Variants in FRMD4A observed in about 807,000 individuals in gnomAD.
FRMD4A encodes FERM domain containing 4A, also known as FERM domain-containing protein 4A.
FRMD4A carries 29 observed loss-of-function variants against 129.1 expected under a neutral mutation model. That is an observed-to-expected ratio of 0.22 (90% confidence interval 0.17 to 0.31). FRMD4A has a LOEUF of 0.31. FRMD4A is among the 10% of genes least tolerant of loss of function. The pLI, the probability that FRMD4A is intolerant of heterozygous loss-of-function variation, is 1.00. For synonymous variants in FRMD4A, 634 were observed against 571.6 expected (o/e 1.11, Z -1.56); for missense variants, 1,272 against 1,375.8 (o/e 0.92, Z 1.19).
At chr10:14,321,452 T>C (rs1310333113) in intron 2 of FRMD4A, among the ~76,000 whole-genome samples, 2 of 152,086 alleles carry the variant, frequency 1.3e-5, no homozygotes, top group East Asian at 3.8e-4. Context: ...TGCACAGGCT[T>C]AATCCTGCAT....
intron 2 of FRMD4A, among the ~76,000 whole-genome samples, chr10:14,190,040 C>T (rs1327329416): frequency 2.6e-5 from 4 of 152,204 alleles, no homozygotes; most frequent in African/African-American, 4.8e-5. Flanking sequence ...TCTCCCCACA[C>T]GTACACCACT....
intron 2 of FRMD4A, among the ~76,000 whole-genome samples, chr10:14,265,930 CG>C (rs1225825648): frequency 2.0e-5 from 3 of 152,024 alleles, no homozygotes; most frequent in Admixed American, 2.0e-4. Flanking sequence ...CCTCTATAAG[CG>C]CAAAGGCATG....
At chr10:14,141,386 G>A (rs747488286) in intron 2 of FRMD4A, among the ~76,000 whole-genome samples, 15 of 152,118 alleles carry the variant, frequency 9.9e-5, no homozygotes, top group Non-Finnish European at 2.2e-4. Context: ...CCATCTGCCG[G>A]ATGCTATCCA....
chr10:14,215,818 TTAAC>T (rs764122432), intron 2 of FRMD4A, among the ~76,000 whole-genome samples: 32 of 152,264 alleles, frequency 2.1e-4, no homozygotes, highest in South Asian at 1.0e-3. Flanking sequence ...TACCGTGAAA[TTAAC>T]TATTTCACAC....
chr10:13,839,730 G>T (rs2093932934), intron 3 of FRMD4A, among the ~76,000 whole-genome samples: 1 of 152,212 alleles, frequency 6.6e-6, no homozygotes, highest in Non-Finnish European at 1.5e-5. Flanking sequence ...GAAAGGAAGG[G>T]GGCCTTGAGC....
At chr10:13,884,186 A>ACTCACACACTCTCACACACACACACT (rs1554956520) in intron 2 of FRMD4A, among the ~76,000 whole-genome samples, 4 of 109,598 alleles carry the variant, frequency 3.6e-5, no homozygotes, top group Non-Finnish European at 7.4e-5. Context: ...TCACACACAC[A>ACTCACACACTCTCACACACACACACT]CACACACACT....
At chr10:13,652,163 AGTTT>A in intron 23 of FRMD4A, 189 bp from the exon 24 acceptor site, 1 of 605,762 alleles carries the variant, frequency 1.7e-6, no homozygotes, top group Non-Finnish European at 3.0e-6. Flanking sequence ...CAAAATACCT[AGTTT>A]GTTAGGAGGG....
chr10:13,984,926 G>A (rs554085098), intron 2 of FRMD4A, among the ~76,000 whole-genome samples: 68 of 152,324 alleles, frequency 4.5e-4, no homozygotes, highest in African/African-American at 1.4e-3. Context: ...TGTGTAATTT[G>A]GGGGAAGCTC....
chr10:14,238,459 C>T (rs1843911464), intron 2 of FRMD4A, among the ~76,000 whole-genome samples: 1 of 152,156 alleles, frequency 6.6e-6, no homozygotes, highest in African/African-American at 2.4e-5. Flanking sequence ...GATCTTTTAA[C>T]ATATCTTTTT....
At chr10:14,086,156 T>G (rs945458637) in intron 2 of FRMD4A, among the ~76,000 whole-genome samples, 2 of 152,178 alleles carry the variant, frequency 1.3e-5, no homozygotes, top group African/African-American at 4.8e-5. Context: ...GTAAAACTAA[T>G]TAGATAGAAT....
At chr10:14,100,108 G>T (rs192434258) in intron 2 of FRMD4A, among the ~76,000 whole-genome samples, 1 of 152,368 alleles carries the variant, frequency 6.6e-6, no homozygotes, top group East Asian at 1.9e-4. Context: ...AGCAAACCCA[G>T]TTGTGGTGCC....
intron 2 of FRMD4A, among the ~76,000 whole-genome samples, chr10:14,176,441 G>C (rs180855350): frequency 2.8e-5 from 4 of 143,714 alleles, no homozygotes; most frequent in African/African-American, 1.0e-4. Context: ...ATGTCTCCAC[G>C]AGAATCTCAT....
At chr10:13,727,407 G>T (rs547821926) in intron 12 of FRMD4A, among the ~76,000 whole-genome samples, 146 of 152,168 alleles carry the variant, frequency 9.6e-4, no homozygotes, top group Non-Finnish European at 1.7e-3. Context: ...TGCCAAGGGG[G>T]TCACTTGGAT....
At chr10:13,656,570 G>A (rs921618294) in intron 22 of FRMD4A, 66 bp downstream of exon 22, 133 of 1,322,702 alleles carry the variant, frequency 1.0e-4, no homozygotes, top group Non-Finnish European at 1.2e-4. Context: ...CCCCGCGGTA[G>A]CCCTTGACAC....
chr10:13,859,782 A>G (rs2094267813), intron 2 of FRMD4A, among the ~76,000 whole-genome samples: 1 of 152,108 alleles, frequency 6.6e-6, no homozygotes, highest in Non-Finnish European at 1.5e-5. Flanking sequence ...CAATAATAGA[A>G]AAGCACTGGC....
chr10:14,209,044 C>G (rs548291900), intron 2 of FRMD4A, among the ~76,000 whole-genome samples: 1 of 152,196 alleles, frequency 6.6e-6, no homozygotes, highest in Non-Finnish European at 1.5e-5. Flanking sequence ...GTGAATGGTT[C>G]CATTTCCAAG....
intron 2 of FRMD4A, among the ~76,000 whole-genome samples, chr10:13,963,954 T>C (rs564959343): frequency 2.8e-4 from 42 of 152,184 alleles, no homozygotes; most frequent in African/African-American, 9.9e-4. Context: ...CATATTTCCT[T>C]TCTAGAAGCA....
chr10:13,943,416 G>A (rs2095307864), intron 2 of FRMD4A, among the ~76,000 whole-genome samples: 1 of 152,054 alleles, frequency 6.6e-6, no homozygotes, highest in Admixed American at 6.6e-5. Flanking sequence ...TTGGGAGGCT[G>A]AGGTGGATGG....
intron 9 of FRMD4A, among the ~76,000 whole-genome samples, chr10:13,741,352 G>A (rs1336342346): frequency 6.6e-6 from 1 of 152,170 alleles, no homozygotes; most frequent in Non-Finnish European, 1.5e-5. Flanking sequence ...TTGGGAGGCT[G>A]AGGTGGGAGG....
Sources: gnomAD v4.1 joint callset for allele counts (sites outside exome capture counted in the v4.1 genomes callset) on GRCh38, gnomAD v4.1.1 for gene constraint, MANE v1.5 for transcripts, NCBI Gene and HGNC (gene_info 2026-07-23, HGNC 2026-07-21) for gene names.